The following KIAA0586 variants were observed in gnomAD, a reference collection of about 807,000 sequenced individuals.
KIAA0586 encodes the protein KIAA0586, also known as protein TALPID3.
In KIAA0586, 144 loss-of-function variants were observed where a neutral mutation model predicts 169.8. The observed-to-expected ratio is 0.85, with a 90% CI of 0.74 to 0.97. KIAA0586 has a LOEUF of 0.97. Ranked by LOEUF, KIAA0586 falls within the 50% of genes least tolerant of loss-of-function variation. KIAA0586 has a pLI of 0.00. For synonymous variants in KIAA0586, 625 were observed against 612.4 expected (o/e 1.02, Z -0.30); for missense variants, 1,854 against 1,823.0 (o/e 1.02, Z -0.31).
chr14:58,435,766 G>A (rs1053005023), intron 4 of KIAA0586, among the ~76,000 whole-genome samples: 1 of 151,948 alleles, frequency 6.6e-6, no homozygotes. Flanking sequence ...GGAATGCAAC[G>A]GTGTGATCTT....
intron 29 of KIAA0586, among the ~76,000 whole-genome samples, chr14:58,520,525 G>C (rs2045132090): frequency 6.6e-6 from 1 of 151,754 alleles, no homozygotes. Flanking sequence ...TGTTGTTGTT[G>C]TTGTTGTTGT....
chr14:58,427,704 C>T (rs764780636), upstream of KIAA0586: 5 of 1,535,090 alleles, frequency 3.3e-6, no homozygotes, highest in African/African-American at 1.4e-5. Flanking sequence ...GGGTGTTGAC[C>T]TGCGGGCAAC....
intron 30 of KIAA0586, 99 bp from the exon 31 acceptor site, chr14:58,547,682 G>GGGGCCC: frequency 1.0e-6 from 1 of 964,700 alleles, no homozygotes; most frequent in Non-Finnish European, 1.5e-6. Context: ...TTTGGAATCC[G>GGGGCCC]CGCCCCCCCA....
chr14:58,537,655 C>T (rs1281038505), intron 29 of KIAA0586, among the ~76,000 whole-genome samples: 1 of 148,498 alleles, frequency 6.7e-6, no homozygotes, highest in Non-Finnish European at 1.5e-5. Flanking sequence ...AAGCACTTTT[C>T]TTTTTTTTTT....
At position 58,496,975 on chromosome 14, in the gene KIAA0586, A is replaced by AT. The variant is rs11289825; in HGVS notation, c.3991-1792dup. Among the ~76,000 whole-genome samples, 351 of 122,588 alleles carry AT rather than the reference A, an allele frequency of 2.9e-3. 1 individual carries two copies. Among genetic ancestry groups the AT allele is most frequent in the East Asian group, 0.012 (52 of 4,242 alleles). 80.4% of individuals were successfully genotyped at this position (122,588 alleles called of 152,430 possible). On this transcript the variant is annotated intron_variant, in intron 26 of 30. Transcript: ENST00000652326. The stretch of plus-strand genomic sequence containing the variant: ...TATTTCATAGATTTCATTTAAAACA[A>AT]TTTTTTTTTTTTTTTTGAGACGGAG...
chr14:58,485,238 A>T (rs2042362725), intron 21 of KIAA0586, among the ~76,000 whole-genome samples: 1 of 151,782 alleles, frequency 6.6e-6, no homozygotes, highest in South Asian at 2.1e-4. Flanking sequence ...ATATATTTTT[A>T]AAATGGTCAG....
At chr14:58,511,451 C>G (rs1258004496) in intron 28 of KIAA0586, among the ~76,000 whole-genome samples, 1 of 152,122 alleles carries the variant, frequency 6.6e-6, no homozygotes, top group Admixed American at 6.6e-5. Context: ...TGCCCAAGGT[C>G]AAAGCTAGAA....
upstream of KIAA0586, chr14:58,427,418 G>A: frequency 1.7e-6 from 1 of 592,498 alleles, no homozygotes; most frequent in Non-Finnish European, 2.9e-6. Context: ...AACGGTCTTC[G>A]GAAGCGAAGC....
intron 29 of KIAA0586, among the ~76,000 whole-genome samples, chr14:58,522,154 G>A (rs908072983): frequency 4.6e-5 from 7 of 151,986 alleles, no homozygotes; most frequent in East Asian, 1.9e-4. Context: ...AGTGCCCTGC[G>A]CCTAGTTCCA....
Position 58,460,038 on chromosome 14 carries a change from C to G in KIAA0586, c.1852C>G (p.Pro618Ala), listed in dbSNP as rs1217501787. The change falls in exon 13 of 31, where the codon CCT (proline) becomes GCT (alanine). Residue 618 changes from proline to alanine, a missense_variant. By Grantham distance (27) the Pro-to-Ala change is conservative. Coordinates refer to ENST00000652326, the MANE Select transcript of KIAA0586 (RefSeq NM_001329943.3). Reference protein sequence around the residue: ...HFRNLPMRGMPASSLQKERKE... With the variant: ...HFRNLPMRGMAASSLQKERKE... The stretch of plus-strand genomic sequence containing the variant: ...TAGAAATCTACCTATGAGGGGCATG[C>G]CTGCTTCAAGTTTACAGAAAGAGAG... 5.2e-6 allele frequency: 8 copies of G among 1,529,696 alleles called. No homozygotes were observed. In the Admixed American group the frequency reaches 1.6e-4, roughly 30 times the overall value. 94.8% of individuals were successfully genotyped at this position (1,529,696 alleles called of 1,614,324 possible).
At position 58,487,956 on chromosome 14, in the gene KIAA0586, C is replaced by T. The variant is rs201898983; in HGVS notation, c.3374C>T (p.Ala1125Val). 633 of 1,613,710 alleles carry T rather than the reference C, an allele frequency of 3.9e-4. 1 individual carries two copies. Among genetic ancestry groups the T allele is most frequent in the Non-Finnish European group, 5.2e-4 (611 of 1,179,780 alleles). The change falls in exon 23 of 31, where the codon GCG becomes GTG. Residue 1125 changes from alanine to valine, a missense_variant. Ala to Val is a moderately conservative substitution (Grantham distance 64, BLOSUM62 0). Coordinates refer to ENST00000652326, the MANE Select transcript of KIAA0586 (RefSeq NM_001329943.3). The part of the protein sequence containing the change: ...TVTPTTTPPP[A>V]AAVFTPTLSD... ...ACCCCTACTACTACACCTCCTCCAGCGGCGGCAGTTTTTACCCCAACTTTG... is the reference window on the plus strand; with the variant it reads ...ACCCCTACTACTACACCTCCTCCAGTGGCGGCAGTTTTTACCCCAACTTTG...
rs994378262 is a variant in KIAA0586, at chr14:58,490,204, T to C, written c.3822T>C (p.Asp1274=). ...GACTGTACCTGACAAACCTTAATGATAGCTTATCCAGCACTCTGCATGATG... is the reference window on the plus strand; with the variant it reads ...GACTGTACCTGACAAACCTTAATGACAGCTTATCCAGCACTCTGCATGATG... ...DIGLYLTNLN[D]SLSSTLHDAV... Residue 1274 remains aspartate (D), a synonymous_variant, in exon 25 of 31, where the codon GAT becomes GAC. Coordinates refer to ENST00000652326, the MANE Select transcript of KIAA0586 (RefSeq NM_001329943.3). 1.3e-6 allele frequency: 2 copies of C among 1,544,654 alleles called. No homozygotes were observed. Among genetic ancestry groups the C allele is most frequent in the Non-Finnish European group, 1.8e-6 (2 of 1,138,900 alleles).
intron 2 of KIAA0586, 54 bp downstream of exon 2, chr14:58,429,487 A>G: frequency 1.1e-6 from 1 of 941,144 alleles, no homozygotes; most frequent in East Asian, 2.4e-5. Context: ...GTATTGTCAA[A>G]TAATGCATTC....
At chr14:58,484,193 G>A (rs898773883) in intron 21 of KIAA0586, among the ~76,000 whole-genome samples, 1 of 152,144 alleles carries the variant, frequency 6.6e-6, no homozygotes, top group African/African-American at 2.4e-5. Flanking sequence ...AGAATACTTA[G>A]TTTAAATGAC....
intron 16 of KIAA0586, among the ~76,000 whole-genome samples, chr14:58,469,139 G>A (rs909803094): frequency 6.6e-6 from 1 of 152,100 alleles, no homozygotes; most frequent in African/African-American, 2.4e-5. Context: ...GATTCCCAGG[G>A]ACTTAGAAAT....
rs758962196 is a variant in KIAA0586, at chr14:58,487,932, C to A, written c.3350C>A (p.Thr1117Asn). 3.1e-6 allele frequency: 5 copies of A among 1,613,540 alleles called. No homozygotes were observed. In the Admixed American group the frequency reaches 6.7e-5, roughly 22 times the overall value. The stretch of plus-strand genomic sequence containing the variant: ...ATGCTTGTTAATACTCCAACAGTTA[C>A]CCCTACTACTACACCTCCTCCAGCG... ...AIMLVNTPTV[T>N]PTTTPPPAAA... The change falls in exon 23 of 31, where the codon ACC becomes AAC. Residue 1117 changes from threonine (T) to asparagine (N), a missense_variant. By Grantham distance (65) the Thr-to-Asn change is moderately conservative (BLOSUM62 0). Coordinates refer to ENST00000652326, the MANE Select transcript of KIAA0586 (RefSeq NM_001329943.3).
chr14:58,436,191 GC>G (rs1761031261), intron 4 of KIAA0586, among the ~76,000 whole-genome samples: 1 of 152,054 alleles, frequency 6.6e-6, no homozygotes, highest in Non-Finnish European at 1.5e-5. Context: ...AAAAGAGGAG[GC>G]AAAGTTATAA....
intron 9 of KIAA0586, among the ~76,000 whole-genome samples, chr14:58,454,680 G>T (rs1615007): frequency 0.3 from 46,213 of 151,916 alleles, 8,569 homozygotes; most frequent in East Asian, 0.5. Context: ...ACAGACATTT[G>T]GTTTCTCATA....
chr14:58,481,900 A>G (rs1217804082), intron 20 of KIAA0586, among the ~76,000 whole-genome samples: 2 of 150,750 alleles, frequency 1.3e-5, no homozygotes, highest in Non-Finnish European at 3.0e-5. Context: ...TGCAAGCTCC[A>G]CCTCCTGGGT....
Sources: gnomAD v4.1 joint callset for allele counts (sites outside exome capture counted in the v4.1 genomes callset) on GRCh38, gnomAD v4.1.1 for gene constraint, MANE v1.5 for transcripts, NCBI Gene and HGNC (gene_info 2026-07-23, HGNC 2026-07-21) for gene names.